The following RPL8 variants were observed in gnomAD, a reference collection of about 807,000 sequenced individuals.
RPL8 encodes ribosomal protein L8.
For synonymous variants in RPL8, 182 were observed against 143.2 expected (o/e 1.27, Z -1.94); for missense variants, 248 against 365.9 (o/e 0.68, Z 2.63).
chr8:144,790,053 C>T (rs895410570), intron 4 of RPL8, 91 bp from the exon 5 acceptor site: 132 of 1,429,946 alleles, frequency 9.2e-5, no homozygotes, highest in South Asian at 7.8e-4. Context: ...CCCAATTCCG[C>T]GAAGCCCCTC....
chr8:144,790,415 C>A lies in RPL8; in HGVS notation c.555G>T (p.Ala185=). ...IDKPILKAGR[A]YHKYKAKRNC... ...TCCTCTTTGCCTTATATTTGTGGTACGCCCGGCCAGCCTTCAAGATGGGTT... is the reference window on the plus strand; with the variant it reads ...TCCTCTTTGCCTTATATTTGTGGTAAGCCCGGCCAGCCTTCAAGATGGGTT... The change falls in exon 4 of 5, where the codon GCG becomes GCT. Residue 185 remains alanine (A), a synonymous_variant. Transcript: ENST00000528957. 6.2e-7 allele frequency: 1 copy of A among 1,614,168 alleles called. No homozygotes were observed. Among genetic ancestry groups the A allele is most frequent in the Non-Finnish European group, 8.5e-7 (1 of 1,180,026 alleles).
In RPL8 at chr8:144,791,756, C is replaced by G. The variant is rs1826529673; in HGVS notation, c.280+17G>C. Reference sequence around the variant, plus strand: ...CCCCTCCCCACCCCGACCTTCCTTCCCCGCCGCGATGCTAACCCTTCTTGC... The same window carrying G: ...CCCCTCCCCACCCCGACCTTCCTTCGCCGCCGCGATGCTAACCCTTCTTGC... On this transcript the variant is annotated intron_variant, in intron 2 of 4. Transcript: ENST00000528957. 10 of 1,613,090 alleles carry G rather than the reference C, an allele frequency of 6.2e-6. No individual in the cohort carries two copies. Among genetic ancestry groups the G allele is most frequent in the African/African-American group, 1.3e-5 (1 of 74,898 alleles).
chr8:144,791,534 G>GA (rs1443476524), intron 2 of RPL8, 39 bp from the exon 3 acceptor site: 3 of 1,595,972 alleles, frequency 1.9e-6, no homozygotes, highest in Non-Finnish European at 1.7e-6. Flanking sequence ...AGCACAGTAA[G>GA]AAACAATGCG....
In RPL8 at chr8:144,792,234, C is replaced by G; in HGVS notation, c.-105G>C. On this transcript the variant is annotated 5_prime_UTR_variant, in exon 1 of 5. Transcript: ENST00000528957. ...CCCGCCCCCGAGGCCGCCGCGCCCA[C>G]CACTCCCTACCCTCTCCGCGGGCGC... The G allele has an allele frequency of 7.2e-7, 1 of 1,381,394 alleles. No individual in the cohort carries two copies. Among genetic ancestry groups the G allele is most frequent in the Non-Finnish European group, 9.3e-7 (1 of 1,071,156 alleles). 85.6% of individuals were successfully genotyped at this position (1,381,394 alleles called of 1,614,324 possible). A position where few individuals can be genotyped will look rare whatever the true frequency, so the allele number is the denominator to read the frequency against.
At chr8:144,791,630 G>A (rs1563800824) in intron 2 of RPL8, 135 bp from the exon 3 acceptor site, 5 of 1,473,090 alleles carry the variant, frequency 3.4e-6, no homozygotes, top group Middle Eastern at 2.4e-4. Flanking sequence ...GGCACCCACC[G>A]GTGGCCACTG....
intron 3 of RPL8, 94 bp downstream of exon 3, chr8:144,791,183 A>T: frequency 2.4e-6 from 3 of 1,270,474 alleles, no homozygotes; most frequent in Non-Finnish European, 3.4e-6. Context: ...AGGTAATCGA[A>T]TTCCAGGGAC....
chr8:144,790,769 G>T (rs565363429), intron 3 of RPL8: 1 of 621,162 alleles, frequency 1.6e-6, no homozygotes, highest in East Asian at 3.4e-5. Flanking sequence ...TCAACCTGAC[G>T]TAAGACACTT....
intron 3 of RPL8, chr8:144,790,992 C>T (rs1826490480): frequency 2.0e-6 from 1 of 508,856 alleles, no homozygotes; most frequent in Non-Finnish European, 3.6e-6. Flanking sequence ...TGTTAACCAA[C>T]TGCATGCAAG....
Position 144,789,837 on chromosome 8 carries a change from C to G in RPL8, c.741G>C (p.Arg247=), listed in dbSNP as rs1407238362. 6.2e-7 allele frequency: 1 copy of G among 1,613,338 alleles called. No homozygotes were observed. Among genetic ancestry groups the G allele is most frequent in the East Asian group, 2.2e-5 (1 of 44,894 alleles). Residue 247 remains arginine, a synonymous_variant, in exon 5 of 5, where the codon CGG becomes CGC. Transcript: ENST00000528957. ...CTTTCTCCTGCACAGTCTTGGTTCC[C>G]CGGAGACGTCCAGTCCGGCGGGCAG... The part of the protein sequence containing the change: ...LIAARRTGRL[R]GTKTVQEKEN
At chr8:144,791,678 C>T (rs1486979197) in intron 2 of RPL8, 95 bp downstream of exon 2, 3 of 1,579,114 alleles carry the variant, frequency 1.9e-6, no homozygotes, top group Admixed American at 1.7e-5. Context: ...AAGCTTCTGC[C>T]TGCGAGGTTC....
chr8:144,790,985 T>C, intron 3 of RPL8: 1 of 497,738 alleles, frequency 2.0e-6, no homozygotes, highest in East Asian at 3.9e-5. Flanking sequence ...AAAAGGCTGT[T>C]AACCAACTGC....
In RPL8 at chr8:144,791,300, G is replaced by A. The variant is rs1262847503; in HGVS notation, c.476C>T (p.Ser159Phe). Residue 159 changes from serine to phenylalanine, a missense_variant, in exon 3 of 5, where the codon TCC (serine) becomes TTC (phenylalanine). Ser to Phe is a radical substitution (Grantham distance 155). Transcript: ENST00000528957. ...ACCAACCACAGCTCTGTTGGCTGAG[G>A]AGATAACCTTCTTGGAGCCGGAGGG... is the stretch of plus-strand genomic sequence containing the variant. ...KLPSGSKKVI[S>F]SANRAVVGVV... 11 of 1,611,732 alleles carry A rather than the reference G, an allele frequency of 6.8e-6. No homozygotes were observed. Among genetic ancestry groups the A allele is most frequent in the Middle Eastern group, 4.1e-4 (2 of 4,856 alleles).
rs773246998 is a variant in RPL8, at chr8:144,789,971, A to G, written c.616-9T>C. ...AAAGGATGCTCCACAGGCTGCAGGCAGAGAAAGATGGCTTTAGAAACCTCT... is the reference window on the plus strand; with the variant it reads ...AAAGGATGCTCCACAGGCTGCAGGCGGAGAAAGATGGCTTTAGAAACCTCT... On this transcript the variant is annotated splice_polypyrimidine_tract_variant and intron_variant, in intron 4 of 4. Transcript: ENST00000528957. 1 of 1,602,736 alleles carries G rather than the reference A, an allele frequency of 6.2e-7. No homozygotes were observed. The highest frequency in any genetic ancestry group is 1.1e-5 in the South Asian group (1 of 89,774).
chr8:144,791,089 G>T (rs1364589533), intron 3 of RPL8, 188 bp downstream of exon 3: 2 of 614,844 alleles, frequency 3.3e-6, no homozygotes, highest in African/African-American at 3.7e-5. Flanking sequence ...CAGTAAAGCA[G>T]GTACTGTTGT....
At position 144,792,318 on chromosome 8, in the gene RPL8, G is replaced by T; in HGVS notation, c.-189C>A. ...GGTCTCAGCGCGCCTCACGGAAGAG[G>T]ATGGCGGCGGATACTGCCCATGCCG... On this transcript the variant is annotated 5_prime_UTR_variant, in exon 1 of 5. Coordinates refer to ENST00000528957, the MANE Select transcript of RPL8 (RefSeq NM_001317782.2). 1 of 877,540 alleles carries T rather than the reference G, an allele frequency of 1.1e-6. No individual in the cohort carries two copies. The highest frequency in any genetic ancestry group is 1.6e-6 in the Non-Finnish European group (1 of 639,844). The allele number at this position is 877,540 out of a possible 1,614,324, so 54.4% of individuals were successfully genotyped here. A position where few individuals can be genotyped will look rare whatever the true frequency, so the allele number is the denominator to read the frequency against.
intron 4 of RPL8, among the ~76,000 whole-genome samples, 166 bp from the exon 5 acceptor site, chr8:144,790,128 C>T (rs576822614): frequency 6.6e-6 from 1 of 152,292 alleles, no homozygotes; most frequent in East Asian, 1.9e-4. Flanking sequence ...GCCCCCACTG[C>T]CCCTCCCAGC....
At position 144,789,945 on chromosome 8, in the gene RPL8, A is replaced by G. The variant is rs929684418; in HGVS notation, c.633T>C (p.Phe211=). Residue 211 remains phenylalanine (F), a synonymous_variant, in exon 5 of 5, where the codon TTT becomes TTC. Coordinates refer to ENST00000528957, the MANE Select transcript of RPL8 (RefSeq NM_001317782.2). ...CGATGTGCTGGTGGTTGCCACCTCC[A>G]AAAGGATGCTCCACAGGCTGCAGGC... ...GVAMNPVEHP[F]GGGNHQHIGK... The G allele has an allele frequency of 3.1e-6, 5 of 1,612,412 alleles. No individual in the cohort carries two copies. In the African/African-American group the frequency reaches 4.0e-5, roughly 13 times the overall value.
chr8:144,791,626 C>A, intron 2 of RPL8, 131 bp from the exon 3 acceptor site: 1 of 1,473,478 alleles, frequency 6.8e-7, no homozygotes, highest in Non-Finnish European at 9.3e-7. Context: ...TCTCGGCACC[C>A]ACCGGTGGCC....
chr8:144,791,667 G>A, intron 2 of RPL8, 106 bp downstream of exon 2: 1 of 1,563,598 alleles, frequency 6.4e-7, no homozygotes, highest in Non-Finnish European at 8.7e-7. Context: ...GTCCCCACCT[G>A]AAGCTTCTGC....
Sources: allele counts gnomAD v4.1 joint callset (sites outside exome capture counted in the v4.1 genomes callset), GRCh38; gene constraint gnomAD v4.1.1; transcripts MANE v1.5; gene names NCBI Gene and HGNC (gene_info 2026-07-23, HGNC 2026-07-21).